ZPBP: variants seen among roughly 807,000 people sequenced by gnomAD.
ZPBP encodes the protein zona pellucida binding protein, also known as zona pellucida-binding protein 1.
In ZPBP, 26 loss-of-function variants were observed where a neutral mutation model predicts 44.8. That is an observed-to-expected ratio of 0.58 (90% CI 0.43 to 0.81). The LOEUF is 0.81. Ranked by LOEUF, ZPBP falls within the 30% of genes least tolerant of loss-of-function variation. The pLI is 0.00. For synonymous variants in ZPBP, 174 were observed against 153.2 expected (o/e 1.14, Z -1.00); for missense variants, 409 against 434.0 (o/e 0.94, Z 0.51).
intron 7 of ZPBP, among the ~76,000 whole-genome samples, chr7:49,954,849 A>T (rs932532816): frequency 1.3e-5 from 2 of 152,222 alleles, no homozygotes; most frequent in Non-Finnish European, 2.9e-5. Flanking sequence ...ATAGAAGATT[A>T]ACTTACTAAA....
chr7:49,860,612 T>C (rs1790609757), intron 2 of ZPBP, among the ~76,000 whole-genome samples: 1 of 152,256 alleles, frequency 6.6e-6, no homozygotes, highest in Non-Finnish European at 1.5e-5. Flanking sequence ...CCTTTGGCTA[T>C]TGTAATACCT....
intron 3 of ZPBP, among the ~76,000 whole-genome samples, chr7:50,079,245 C>T (rs1459770743): frequency 1.3e-4 from 20 of 151,664 alleles, no homozygotes; most frequent in Non-Finnish European, 3.0e-5. Flanking sequence ...AGACTTCAGA[C>T]ATAATGACTT....
In ZPBP at chr7:50,093,229, G is replaced by A. The variant is rs1208571260; in HGVS notation, c.-35C>T. On this transcript the variant is annotated 5_prime_UTR_variant, in exon 1 of 8. Transcript: ENST00000046087. The stretch of plus-strand genomic sequence containing the variant: ...GCCGTCGCCTGCCCACCGTCCGCGC[G>A]GAAGGTCGTTAGGCAACGCGCGCCC... 2 of 1,499,552 alleles carry A rather than the reference G, an allele frequency of 1.3e-6. No individual in the cohort carries two copies. The highest frequency in any genetic ancestry group is 1.3e-5 in the South Asian group (1 of 78,282). The allele number at this position is 1,499,552 out of a possible 1,614,324, so 92.9% of individuals were successfully genotyped here.
chr7:50,004,492 C>T (rs1798222667), intron 6 of ZPBP, among the ~76,000 whole-genome samples: 1 of 152,050 alleles, frequency 6.6e-6, no homozygotes, highest in Non-Finnish European at 1.5e-5. Context: ...TGGATTTTGC[C>T]TTATAATTCT....
intron 3 of ZPBP, among the ~76,000 whole-genome samples, chr7:50,061,208 C>T (rs945648443): frequency 3.2e-4 from 48 of 152,126 alleles, no homozygotes; most frequent in Non-Finnish European, 1.6e-4. Context: ...CAACATCATA[C>T]TAAACAGGCA....
chr7:49,850,487 G>C (rs923597654), exon 3 of ZPBP: 2 of 152,198 alleles, frequency 1.3e-5, no homozygotes, highest in Non-Finnish European at 2.9e-5. Flanking sequence ...TAGGCACAAG[G>C]AGATGGACAG....
chr7:49,875,976 G>T lies in ZPBP; in HGVS notation n.509+25142C>A, dbSNP rs1455390111. On this transcript the variant is annotated intron_variant and non_coding_transcript_variant, in intron 2 of 2. Coordinates refer to the ZPBP transcript ENST00000465922. ...GAGTCGAAGAAATTGGTGTTGCATT[G>T]TGCTGGCACACTTATTCTGTACTGT... Among the ~76,000 whole-genome samples the T allele has an allele frequency of 1.3e-5, 2 of 152,128 alleles. 1 individual carries two copies. Among genetic ancestry groups the T allele is most frequent in the Non-Finnish European group, 2.9e-5 (2 of 68,018 alleles).
chr7:49,898,105 T>A (rs150589036), intron 2 of ZPBP, among the ~76,000 whole-genome samples: 2 of 152,154 alleles, frequency 1.3e-5, no homozygotes, highest in East Asian at 3.9e-4. Context: ...TATGTATGCT[T>A]TACATATATG....
intron 2 of ZPBP, among the ~76,000 whole-genome samples, chr7:50,083,771 T>C (rs1325083020): frequency 6.6e-6 from 1 of 151,944 alleles, no homozygotes; most frequent in Admixed American, 6.6e-5. Flanking sequence ...TTAAAAGTTA[T>C]CTCAAAATAC....
At chr7:50,092,111 G>A (rs886201715) in intron 1 of ZPBP, among the ~76,000 whole-genome samples, 16 of 152,000 alleles carry the variant, frequency 1.1e-4, no homozygotes, top group African/African-American at 3.6e-4. Flanking sequence ...TATCTCATAG[G>A]TCTAATCTTA....
At chr7:50,002,012 C>G (rs1798121597) in intron 6 of ZPBP, among the ~76,000 whole-genome samples, 1 of 152,156 alleles carries the variant, frequency 6.6e-6, no homozygotes, top group Admixed American at 6.5e-5. Flanking sequence ...AGCACACACA[C>G]TACCACACCT....
chr7:50,089,506 T>C lies in ZPBP; in HGVS notation c.208+123A>G, dbSNP rs190660693. ...TGCAAACAACTTTAATCCACTTCTG[T>C]AGAAAGAAAAGGGCCTTAGGAGACT... On this transcript the variant is annotated intron_variant, in intron 2 of 7. Transcript: ENST00000046087. 974 of 730,626 alleles carry C rather than the reference T, an allele frequency of 1.3e-3. 1 individual carries two copies. The highest frequency in any genetic ancestry group is 2.1e-3 in the Non-Finnish European group (906 of 431,182). The allele number at this position is 730,626 out of a possible 1,614,324, so 45.3% of individuals were successfully genotyped here. A position where few individuals can be genotyped will look rare whatever the true frequency, so the allele number is the denominator to read the frequency against.
At position 50,065,145 on chromosome 7, in the gene ZPBP, GCTC is replaced by G. The variant is rs568609087; in HGVS notation, c.335-7007_335-7005del. 6.3e-4 allele frequency among the ~76,000 whole-genome samples: 96 copies of G among 152,254 alleles called. 3 individuals are homozygous for G. In the South Asian group the frequency reaches 0.019, roughly 31 times the overall value. ...TATTTGTGTCTATTTTTGTGAGTAT[GCTC>G]CTATTTTTTAATTTTTATCATAAAC... On this transcript the variant is annotated intron_variant, in intron 3 of 7. Coordinates refer to ENST00000046087, the MANE Select transcript of ZPBP (RefSeq NM_007009.3).
At chr7:49,842,504 G>T in the ZPBP span, among the ~76,000 whole-genome samples, 5 of 152,232 alleles carry the variant, frequency 3.3e-5, no homozygotes, top group Middle Eastern at 3.4e-3. Flanking sequence ...CTTGTGTTGA[G>T]AGTTTCACCA....
rs528146834 is a variant in ZPBP, at chr7:49,863,107, G to T, written n.510-12593C>A. Among the ~76,000 whole-genome samples the T allele has an allele frequency of 1.0e-3, 152 of 152,306 alleles. 1 individual carries two copies. Among genetic ancestry groups the T allele is most frequent in the Non-Finnish European group, 1.9e-3 (128 of 68,012 alleles). On this transcript the variant is annotated intron_variant and non_coding_transcript_variant, in intron 2 of 2. Transcript: ENST00000465922. ...ACCATCTGGTCCTGAACTTTTATTT[G>T]TTGGGAGGTTTTGGATTACTGATTC... is the stretch of plus-strand genomic sequence containing the variant.
chr7:49,911,982 A>G (rs1793479710), intron 1 of ZPBP: 3 of 1,438,320 alleles, frequency 2.1e-6, no homozygotes, highest in South Asian at 2.9e-5. Context: ...CTAATTATAT[A>G]TATTATATAT....
At chr7:50,003,353 C>T (rs1798175293) in intron 6 of ZPBP, among the ~76,000 whole-genome samples, 2 of 152,040 alleles carry the variant, frequency 1.3e-5, no homozygotes, top group South Asian at 4.1e-4. Context: ...AATGCTTGGC[C>T]AAGAAAAAGC....
chr7:49,858,403 T>C (rs142732438), intron 2 of ZPBP, among the ~76,000 whole-genome samples: 4,404 of 152,070 alleles, frequency 0.029, 175 homozygotes, highest in South Asian at 0.12. Context: ...ATGTCCTTTG[T>C]AGGGACATGG....
intron 1 of ZPBP, chr7:49,917,925 T>G (rs909752136): frequency 4.6e-5 from 7 of 152,190 alleles, no homozygotes; most frequent in Non-Finnish European, 1.0e-4. Context: ...TCTATTAGTT[T>G]TCAGGGTTTA....
Sources: gnomAD v4.1 joint callset for allele counts (sites outside exome capture counted in the v4.1 genomes callset) on GRCh38, gnomAD v4.1.1 for gene constraint, MANE v1.5 for transcripts, NCBI Gene and HGNC (gene_info 2026-07-23, HGNC 2026-07-21) for gene names.